LRRTM3: variants seen among roughly 807,000 people sequenced by gnomAD.
LRRTM3 encodes leucine rich repeat transmembrane neuronal 3.
LRRTM3 carries 24 observed loss-of-function variants against 44.7 expected under a neutral mutation model. The observed-to-expected ratio is 0.54, with a 90% CI of 0.39 to 0.76. The LOEUF (loss-of-function observed/expected upper bound fraction) is 0.76, where lower values mean the gene tolerates loss of function less well. Among genes scored for constraint, LRRTM3 ranks in the 30% least tolerant of loss-of-function variants. LRRTM3 has a pLI of 0.00. For synonymous variants in LRRTM3, 277 were observed against 278.7 expected, an observed-to-expected ratio of 0.99 and a Z score of 0.06; for missense variants, 587 against 702.2, an observed-to-expected ratio of 0.84 and a Z score of 1.85.
intron 2 of LRRTM3, among the ~76,000 whole-genome samples, chr10:67,017,255 T>C (rs7900716): frequency 0.11 from 16,961 of 152,216 alleles, 1,174 homozygotes; most frequent in South Asian, 0.28. Flanking sequence ...TTACTGAAAT[T>C]GCCAACTTCA....
chr10:67,012,845 A>C (rs1852425786), intron 2 of LRRTM3: 2 of 152,290 alleles, frequency 1.3e-5, no homozygotes, highest in South Asian at 2.1e-4. Flanking sequence ...AGCTTACTAT[A>C]ATATGTTCTG....
At chr10:66,950,874 T>C (rs1327811696) in intron 2 of LRRTM3, among the ~76,000 whole-genome samples, 1 of 152,184 alleles carries the variant, frequency 6.6e-6, no homozygotes, top group Non-Finnish European at 1.5e-5. Flanking sequence ...ACCCATTTTA[T>C]AGGTAAAGAA....
At chr10:67,023,528 G>C (rs540826754) in intron 2 of LRRTM3, among the ~76,000 whole-genome samples, 8 of 152,234 alleles carry the variant, frequency 5.3e-5, no homozygotes, top group Middle Eastern at 3.4e-3. Context: ...AGGGATCTAT[G>C]ATAATACATG....
intron 2 of LRRTM3, among the ~76,000 whole-genome samples, chr10:67,062,260 A>T (rs1855801696): frequency 6.6e-6 from 1 of 152,192 alleles, no homozygotes; most frequent in Admixed American, 6.6e-5. Flanking sequence ...TCAAAAGCCC[A>T]TATTCTTTAT....
intron 2 of LRRTM3, among the ~76,000 whole-genome samples, chr10:67,027,093 T>G (rs1234805545): frequency 6.6e-6 from 1 of 152,188 alleles, no homozygotes; most frequent in Non-Finnish European, 1.5e-5. Context: ...TGCCTTCTAC[T>G]TCTTTTATAT....
chr10:66,950,595 T>C (rs1202771679), intron 2 of LRRTM3, among the ~76,000 whole-genome samples: 1 of 152,084 alleles, frequency 6.6e-6, no homozygotes, highest in Non-Finnish European at 1.5e-5. Context: ...ATTTTATATA[T>C]TTTTAATAAA....
At chr10:66,991,155 T>C (rs1375610331) in intron 2 of LRRTM3, among the ~76,000 whole-genome samples, 1 of 152,206 alleles carries the variant, frequency 6.6e-6, no homozygotes, top group East Asian at 1.9e-4. Flanking sequence ...AGCAGCACTT[T>C]GGAGTTTTTC....
At chr10:67,025,604 C>T (rs933883473) in intron 2 of LRRTM3, among the ~76,000 whole-genome samples, 2 of 152,160 alleles carry the variant, frequency 1.3e-5, no homozygotes, top group African/African-American at 4.8e-5. Flanking sequence ...TTTTCTTTAA[C>T]CCCTGGAGGA....
chr10:67,056,152 C>G (rs757809617), intron 2 of LRRTM3, among the ~76,000 whole-genome samples: 1 of 152,076 alleles, frequency 6.6e-6, no homozygotes, highest in Non-Finnish European at 1.5e-5. Flanking sequence ...TACATACTGT[C>G]GCCCATTCAT....
At chr10:67,001,543 AC>A (rs147170778) in intron 2 of LRRTM3, among the ~76,000 whole-genome samples, 2,733 of 152,010 alleles carry the variant, frequency 0.018, 87 homozygotes, top group African/African-American at 0.061. Context: ...TTGAAGTAAA[AC>A]TTTCTAATTA....
intron 2 of LRRTM3, among the ~76,000 whole-genome samples, chr10:66,981,450 C>A (rs1252640850): frequency 6.6e-6 from 1 of 152,174 alleles, no homozygotes; most frequent in Non-Finnish European, 1.5e-5. Context: ...ACTTACCCAT[C>A]CCCATTTCCA....
chr10:67,043,508 T>C (rs1474117335), intron 2 of LRRTM3, among the ~76,000 whole-genome samples: 3 of 152,104 alleles, frequency 2.0e-5, no homozygotes, highest in Non-Finnish European at 4.4e-5. Context: ...TTTCTTCTAG[T>C]ATAGGGTTTA....
chr10:67,002,000 G>A (rs2132989636), intron 2 of LRRTM3, among the ~76,000 whole-genome samples: 1 of 152,238 alleles, frequency 6.6e-6, no homozygotes, highest in East Asian at 1.9e-4. Flanking sequence ...GAGTCTTAGA[G>A]TCCGAAGACC....
At chr10:66,926,862 TGATTAAG>T in intron 1 of LRRTM3, 52 bp from the exon 2 acceptor site, 1 of 1,449,282 alleles carries the variant, frequency 6.9e-7, no homozygotes, top group Non-Finnish European at 9.2e-7. Context: ...TATTTTTGCT[TGATTAAG>T]GATTAATTCT....
intron 2 of LRRTM3, among the ~76,000 whole-genome samples, chr10:67,082,794 G>C (rs1421756413): frequency 1.3e-5 from 2 of 152,218 alleles, no homozygotes; most frequent in Admixed American, 1.3e-4. Flanking sequence ...CTAAGGATTA[G>C]ATATCAGTCA....
chr10:67,093,273 C>A (rs1344902993), intron 2 of LRRTM3, among the ~76,000 whole-genome samples: 1 of 151,846 alleles, frequency 6.6e-6, no homozygotes, highest in African/African-American at 2.4e-5. Flanking sequence ...AGTTCAGACA[C>A]TTAGGGTAAC....
intron 2 of LRRTM3, among the ~76,000 whole-genome samples, chr10:66,963,876 C>T (rs1232932438): frequency 2.0e-5 from 3 of 149,480 alleles, no homozygotes; most frequent in Non-Finnish European, 4.4e-5. Context: ...TGGAGTCTTG[C>T]TCTGTTGCCA....
intron 2 of LRRTM3, among the ~76,000 whole-genome samples, chr10:67,088,446 G>T (rs1857430713): frequency 6.6e-6 from 1 of 151,582 alleles, no homozygotes; most frequent in African/African-American, 2.4e-5. Flanking sequence ...ATTCAAAAGT[G>T]GCCACATCAT....
intron 2 of LRRTM3, chr10:67,012,957 C>A (rs1284042380): frequency 6.6e-6 from 1 of 152,012 alleles, no homozygotes; most frequent in African/African-American, 2.4e-5. Flanking sequence ...TTTAAAAAAA[C>A]CAACACTTTT....
Sources: allele counts gnomAD v4.1 joint callset (sites outside exome capture counted in the v4.1 genomes callset), GRCh38; gene constraint gnomAD v4.1.1; transcripts MANE v1.5; gene names NCBI Gene and HGNC (gene_info 2026-07-23, HGNC 2026-07-21).